Variants in KCNH5 observed in about 807,000 individuals in gnomAD.
KCNH5 encodes the protein voltage-gated delayed rectifier potassium channel KCNH5.
In KCNH5, 46 loss-of-function variants were observed where a neutral mutation model predicts 96.1. The ratio of observed to expected loss-of-function variants is 0.48; its 90% CI spans 0.38 to 0.61. The LOEUF (loss-of-function observed/expected upper bound fraction) is 0.61. KCNH5 is among the 20% of genes least tolerant of loss of function. The pLI, the probability that KCNH5 is intolerant of heterozygous loss-of-function variation, is 0.00. For synonymous variants in KCNH5, 439 were observed against 449.8 expected, an observed-to-expected ratio of 0.98 and a Z score of 0.30; for missense variants, 907 against 1,225.8, an observed-to-expected ratio of 0.74 and a Z score of 3.88.
intron 7 of KCNH5, among the ~76,000 whole-genome samples, chr14:62,927,370 G>T (rs867455526): frequency 6.3e-4 from 96 of 152,208 alleles, no homozygotes; most frequent in African/African-American, 2.1e-3. Flanking sequence ...ATATGATCCA[G>T]CAATTTCACT....
chr14:62,800,366 C>A lies in KCNH5; in HGVS notation c.1822+1963G>T, dbSNP rs181660891. 8.5e-5 allele frequency among the ~76,000 whole-genome samples: 13 copies of A among 152,238 alleles called. No homozygotes were observed. In the East Asian group the frequency reaches 2.1e-3, roughly 25 times the overall value. On this transcript the variant is annotated intron_variant, in intron 9 of 10. Coordinates refer to ENST00000322893, the MANE Select transcript of KCNH5 (RefSeq NM_139318.5). Reference sequence around the variant, plus strand: ...CTGTGTCATTGGGCAAAACAAGTTACCATTTTATTTTAAAATGAAAGGAAA... The same window carrying A: ...CTGTGTCATTGGGCAAAACAAGTTAACATTTTATTTTAAAATGAAAGGAAA...
chr14:62,810,115 G>A (rs1287365871), intron 8 of KCNH5, among the ~76,000 whole-genome samples: 1 of 152,084 alleles, frequency 6.6e-6, no homozygotes, highest in East Asian at 1.9e-4. Context: ...TAGGAATACA[G>A]AACAAGCTTA....
At chr14:63,024,947 T>C (rs979324720) in intron 1 of KCNH5, among the ~76,000 whole-genome samples, 2 of 152,062 alleles carry the variant, frequency 1.3e-5, no homozygotes, top group Non-Finnish European at 2.9e-5. Flanking sequence ...GAAAATTATC[T>C]GCCAATATCC....
chr14:62,973,728 AAAAC>A (rs1197516357), intron 6 of KCNH5, among the ~76,000 whole-genome samples: 2 of 152,216 alleles, frequency 1.3e-5, no homozygotes, highest in Non-Finnish European at 2.9e-5. Flanking sequence ...TAAAACTAGG[AAAAC>A]AAACAGAAAA....
chr14:63,025,584 A>G (rs975282114), intron 1 of KCNH5, among the ~76,000 whole-genome samples: 3 of 150,452 alleles, frequency 2.0e-5, no homozygotes, highest in Admixed American at 6.7e-5. Context: ...CTATCCAAAT[A>G]AGCAATCAAG....
intron 7 of KCNH5, among the ~76,000 whole-genome samples, chr14:62,915,022 C>T (rs998738692): frequency 6.6e-6 from 1 of 152,216 alleles, no homozygotes; most frequent in Non-Finnish European, 1.5e-5. Context: ...TGGCACAGAA[C>T]AGACAATAAG....
At chr14:62,941,090 A>C (rs1345002980) in intron 7 of KCNH5, among the ~76,000 whole-genome samples, 1 of 152,204 alleles carries the variant, frequency 6.6e-6, no homozygotes, top group Non-Finnish European at 1.5e-5. Flanking sequence ...GAGGGCTCAA[A>C]AGTATCTAGT....
chr14:62,971,985 G>C (rs1004949217), intron 6 of KCNH5, among the ~76,000 whole-genome samples: 12 of 152,084 alleles, frequency 7.9e-5, no homozygotes, highest in Admixed American at 5.2e-4. Context: ...CACAATCCAT[G>C]AAAGTAATAA....
chr14:62,790,661 A>T (rs919968453), intron 9 of KCNH5, among the ~76,000 whole-genome samples: 4 of 149,794 alleles, frequency 2.7e-5, no homozygotes, highest in Admixed American at 6.7e-5. Context: ...TTCTTTCATC[A>T]GTGCTTTATA....
intron 7 of KCNH5, among the ~76,000 whole-genome samples, chr14:62,944,447 C>T (rs774983290): frequency 6.6e-6 from 1 of 151,968 alleles, no homozygotes; most frequent in East Asian, 1.9e-4. Context: ...AAAAAATGAA[C>T]CTTTCTGTTT....
chr14:62,765,170 T>C (rs1447650024), intron 10 of KCNH5, among the ~76,000 whole-genome samples: 1 of 152,064 alleles, frequency 6.6e-6, no homozygotes, highest in South Asian at 2.1e-4. Context: ...GGTACAAAAA[T>C]GGACACATAG....
At position 62,970,805 on chromosome 14, in the gene KCNH5, G is replaced by C. The variant is rs145867724; in HGVS notation, c.942+10067C>G. Among the ~76,000 whole-genome samples, 382 of 150,910 alleles carry C rather than the reference G, an allele frequency of 2.5e-3. 7 individuals are homozygous for C. In the East Asian group the frequency reaches 0.046, roughly 18 times the overall value. ...TTTAACAACTCCAACATCGATTCAT[G>C]ATAAAATACTCTCAACAAACTACAA... On this transcript the variant is annotated intron_variant, in intron 6 of 10. Transcript: ENST00000322893.
chr14:62,780,470 G>T (rs1001490294), intron 9 of KCNH5, among the ~76,000 whole-genome samples: 2 of 152,056 alleles, frequency 1.3e-5, no homozygotes, highest in Non-Finnish European at 2.9e-5. Flanking sequence ...ACCTTATACA[G>T]GTTCTCGGAG....
At chr14:62,833,442 T>C (rs1001848452) in intron 8 of KCNH5, among the ~76,000 whole-genome samples, 2 of 152,108 alleles carry the variant, frequency 1.3e-5, no homozygotes, top group African/African-American at 4.8e-5. Context: ...AACGATTAGT[T>C]GACCGTATGT....
chr14:62,716,155 A>T (rs1005283323), intron 10 of KCNH5, among the ~76,000 whole-genome samples: 2 of 152,126 alleles, frequency 1.3e-5, no homozygotes, highest in Non-Finnish European at 2.9e-5. Flanking sequence ...CTATGTTTTT[A>T]TTTGTACAAA....
chr14:62,932,450 T>C (rs1889597764), intron 7 of KCNH5, among the ~76,000 whole-genome samples: 1 of 106,892 alleles, frequency 9.4e-6, no homozygotes, highest in Non-Finnish European at 2.0e-5. Context: ...AAAGATAAAA[T>C]CATAGAAAAC....
At chr14:62,981,758 G>A (rs1265241711) in intron 5 of KCNH5, among the ~76,000 whole-genome samples, 1 of 152,240 alleles carries the variant, frequency 6.6e-6, no homozygotes, top group Non-Finnish European at 1.5e-5. Context: ...TGGCACAGCA[G>A]TGTAAAGGGT....
chr14:62,799,726 T>TATATATATATATACACAC (rs1213484157), intron 9 of KCNH5, among the ~76,000 whole-genome samples: 5 of 68,662 alleles, frequency 7.3e-5, no homozygotes, highest in East Asian at 4.2e-4. Flanking sequence ...TATATATATA[T>TATATATATATATACACAC]ACACACACAC....
intron 8 of KCNH5, among the ~76,000 whole-genome samples, chr14:62,822,892 G>C (rs1887144210): frequency 6.6e-6 from 1 of 151,986 alleles, no homozygotes; most frequent in Non-Finnish European, 1.5e-5. Flanking sequence ...ATTTCACAAA[G>C]GTTAATAACA....
Sources: allele counts gnomAD v4.1 joint callset (sites outside exome capture counted in the v4.1 genomes callset), GRCh38; gene constraint gnomAD v4.1.1; transcripts MANE v1.5; gene names NCBI Gene and HGNC (gene_info 2026-07-23, HGNC 2026-07-21).